Variants in STK39 observed in about 807,000 individuals in gnomAD.
STK39 encodes the protein serine/threonine kinase 39, also known as STE20/SPS1-related proline-alanine-rich protein kinase.
Under a neutral mutation model 77.8 loss-of-function variants are expected in STK39, and 20 were observed. That is an observed-to-expected ratio of 0.26 (90% confidence interval 0.18 to 0.37). The LOEUF (loss-of-function observed/expected upper bound fraction) is 0.37, where lower values mean the gene tolerates loss of function less well. Ranked by LOEUF, STK39 falls within the 10% of genes least tolerant of loss-of-function variation. The pLI is 1.00. For missense variants in STK39, 479 were observed against 656.5 expected, an observed-to-expected ratio of 0.73 and a Z score of 2.95; for synonymous variants, 246 against 234.1, an observed-to-expected ratio of 1.05 and a Z score of -0.47.
At chr2:168,078,275 A>T (rs115056141) in intron 10 of STK39, among the ~76,000 whole-genome samples, 1 of 150,510 alleles carries the variant, frequency 6.6e-6, no homozygotes, top group Non-Finnish European at 1.5e-5. Flanking sequence ...AATGAACCCA[A>T]GTTCTGATTC....
chr2:168,229,661 G>A (rs1690401771), intron 1 of STK39, among the ~76,000 whole-genome samples: 1 of 152,186 alleles, frequency 6.6e-6, no homozygotes, highest in African/African-American at 2.4e-5. Flanking sequence ...TAAATTGAGT[G>A]ATGCACAGAT....
intron 1 of STK39, among the ~76,000 whole-genome samples, chr2:168,215,607 T>C (rs1390012949): frequency 2.0e-5 from 3 of 152,204 alleles, no homozygotes; most frequent in Non-Finnish European, 2.9e-5. Flanking sequence ...CAGAGTTCTC[T>C]GAGACTTTTT....
At chr2:168,175,900 C>G (rs940735668) in intron 2 of STK39, among the ~76,000 whole-genome samples, 11 of 152,106 alleles carry the variant, frequency 7.2e-5, no homozygotes, top group African/African-American at 2.7e-4. Context: ...TGGCAAGAGA[C>G]AGATGACAGA....
chr2:168,235,173 G>C lies in STK39; in HGVS notation c.208+12055C>G, dbSNP rs571405166. ...CTGCTTCAGCCTCCCGAGTAGCTGG[G>C]ATTACAGGCATGTGCCACCATGCCC... is the stretch of plus-strand genomic sequence containing the variant. On this transcript the variant is annotated intron_variant, in intron 1 of 17. Coordinates refer to ENST00000355999, the MANE Select transcript of STK39 (RefSeq NM_013233.3). Among the ~76,000 whole-genome samples, 33 of 152,116 alleles carry C rather than the reference G, an allele frequency of 2.2e-4. No individual in the cohort carries two copies. In the South Asian group the frequency reaches 6.7e-3, roughly 31 times the overall value.
intron 1 of STK39, among the ~76,000 whole-genome samples, chr2:168,222,142 G>A (rs1262522044): frequency 1.3e-5 from 2 of 152,174 alleles, no homozygotes; most frequent in African/African-American, 2.4e-5. Flanking sequence ...TGGTTTCAAT[G>A]GTGGGGAGCA....
chr2:167,964,820 C>A, intron 16 of STK39, 94 bp from the exon 17 acceptor site: 1 of 1,012,060 alleles, frequency 9.9e-7, no homozygotes, highest in East Asian at 2.4e-5. Context: ...ACTAATGATG[C>A]AATAAACTGC....
chr2:167,959,788 GCT>G (rs2105519891), intron 17 of STK39, among the ~76,000 whole-genome samples: 1 of 152,282 alleles, frequency 6.6e-6, no homozygotes, highest in East Asian at 1.9e-4. Context: ...ACAGTGCCTG[GCT>G]CTGAGGAACA....
chr2:168,232,869 G>A (rs749560934), intron 1 of STK39, among the ~76,000 whole-genome samples: 2 of 151,644 alleles, frequency 1.3e-5, no homozygotes, highest in African/African-American at 2.4e-5. Flanking sequence ...CCGAGATCGC[G>A]CCATTGCACT....
chr2:167,996,852 G>A (rs1200586765), intron 16 of STK39, among the ~76,000 whole-genome samples: 1 of 151,962 alleles, frequency 6.6e-6, no homozygotes, highest in Admixed American at 6.6e-5. Context: ...AGAGCAAAGG[G>A]TGAGCCTGAG....
At chr2:168,053,015 AC>A (rs1318573956) in intron 14 of STK39, among the ~76,000 whole-genome samples, 1 of 152,214 alleles carries the variant, frequency 6.6e-6, no homozygotes, top group African/African-American at 2.4e-5. Flanking sequence ...GTGCTTTGAT[AC>A]TGGGCTTACT....
chr2:168,246,990 G>C (rs1020797348), intron 1 of STK39, among the ~76,000 whole-genome samples: 5 of 149,870 alleles, frequency 3.3e-5, no homozygotes, highest in Admixed American at 1.3e-4. Context: ...CTCGTCTGCA[G>C]TGCGAGTCAC....
intron 14 of STK39, among the ~76,000 whole-genome samples, chr2:168,058,166 C>A (rs1685573940): frequency 6.6e-6 from 1 of 152,210 alleles, no homozygotes. Flanking sequence ...ATCTCTTGAA[C>A]CCAGTTGGAC....
chr2:168,058,831 C>T (rs1164833128), intron 14 of STK39, among the ~76,000 whole-genome samples: 1 of 152,250 alleles, frequency 6.6e-6, no homozygotes, highest in Non-Finnish European at 1.5e-5. Flanking sequence ...ACCTTATATG[C>T]TCTCTACATG....
chr2:168,070,862 A>C (rs1466211758), intron 12 of STK39, among the ~76,000 whole-genome samples: 1 of 152,134 alleles, frequency 6.6e-6, no homozygotes, highest in African/African-American at 2.4e-5. Flanking sequence ...ATGAATCTCA[A>C]GCCAGATCTG....
intron 5 of STK39, among the ~76,000 whole-genome samples, chr2:168,149,498 G>A (rs1429537958): frequency 2.0e-5 from 3 of 152,234 alleles, no homozygotes; most frequent in Admixed American, 2.0e-4. Context: ...TGCTACGTGA[G>A]ATAATTAACG....
At chr2:168,108,211 G>T (rs901084946) in intron 10 of STK39, among the ~76,000 whole-genome samples, 2 of 152,182 alleles carry the variant, frequency 1.3e-5, no homozygotes, top group African/African-American at 4.8e-5. Flanking sequence ...ATACCAACTT[G>T]TGACAAACTT....
In STK39 at chr2:168,139,207, C is replaced by T. The variant is rs1165488103; in HGVS notation, c.841-986G>A. 2.0e-5 allele frequency among the ~76,000 whole-genome samples: 3 copies of T among 151,966 alleles called. 1 individual carries two copies. The highest frequency in any genetic ancestry group is 1.3e-4 in the Admixed American group (2 of 15,260). ...CGACTTTGAATTCAGGTGGGAAACACTGAGAAGAGGCAAAAGAAAGAAAAT... is the reference window on the plus strand; with the variant it reads ...CGACTTTGAATTCAGGTGGGAAACATTGAGAAGAGGCAAAAGAAAGAAAAT... On this transcript the variant is annotated intron_variant, in intron 7 of 17. Transcript: ENST00000355999.
chr2:167,971,659 A>G (rs1692348397), intron 16 of STK39, among the ~76,000 whole-genome samples: 1 of 152,242 alleles, frequency 6.6e-6, no homozygotes, highest in South Asian at 2.1e-4. Flanking sequence ...ATAAACAGCA[A>G]TGCATGGAAG....
chr2:168,089,664 A>AG (rs1323016624), intron 10 of STK39, among the ~76,000 whole-genome samples: 1 of 152,194 alleles, frequency 6.6e-6, no homozygotes, highest in Non-Finnish European at 1.5e-5. Context: ...CCCAGGCTGG[A>AG]GGGCAATGGC....
Sources: gnomAD v4.1 joint callset for allele counts (sites outside exome capture counted in the v4.1 genomes callset) on GRCh38, gnomAD v4.1.1 for gene constraint, MANE v1.5 for transcripts, NCBI Gene and HGNC (gene_info 2026-07-23, HGNC 2026-07-21) for gene names.